CFAP44: variants seen among roughly 807,000 people sequenced by gnomAD.
CFAP44 encodes the protein cilia and flagella associated protein 44, also known as cilia- and flagella-associated protein 44.
In CFAP44, 134 loss-of-function variants were observed where a neutral mutation model predicts 216.2. The ratio of observed to expected loss-of-function variants is 0.62; its 90% CI spans 0.54 to 0.72. The LOEUF (loss-of-function observed/expected upper bound fraction) is 0.72. CFAP44 is among the 30% of genes least tolerant of loss of function. The probability of loss-of-function intolerance (pLI) is 0.00; values close to 1 mark genes in which losing one functional copy is unlikely to be tolerated. For missense variants in CFAP44, 2,035 were observed against 2,182.1 expected (o/e 0.93, Z 1.34); for synonymous variants, 700 against 727.6 (o/e 0.96, Z 0.61).
At chr3:113,403,497 C>T (rs1427438423) in intron 9 of CFAP44, among the ~76,000 whole-genome samples, 1 of 152,206 alleles carries the variant, frequency 6.6e-6, no homozygotes, top group Non-Finnish European at 1.5e-5. Flanking sequence ...AACAAATGTT[C>T]AGCACCTTTG....
At chr3:113,406,451 C>T (rs1438105254) in intron 8 of CFAP44, among the ~76,000 whole-genome samples, 1 of 151,956 alleles carries the variant, frequency 6.6e-6, no homozygotes, top group African/African-American at 2.4e-5. Context: ...GGTGAAACCC[C>T]GTCTCTACTA....
intron 15 of CFAP44, among the ~76,000 whole-genome samples, chr3:113,391,477 C>T (rs760580468): frequency 6.6e-6 from 1 of 152,070 alleles, no homozygotes; most frequent in South Asian, 2.1e-4. Flanking sequence ...GCAACCAAAG[C>T]GAAAATGGAC....
At chr3:113,394,142 A>T (rs1218393247) in intron 15 of CFAP44, among the ~76,000 whole-genome samples, 1 of 152,226 alleles carries the variant, frequency 6.6e-6, no homozygotes, top group African/African-American at 2.4e-5. Flanking sequence ...ATGTTATGCA[A>T]CTATACACAA....
intron 22 of CFAP44, among the ~76,000 whole-genome samples, chr3:113,355,476 C>T (rs536455712): frequency 1.2e-4 from 18 of 152,238 alleles, no homozygotes; most frequent in East Asian, 9.7e-4. Flanking sequence ...GCCGTGATCA[C>T]GCCACTACAC....
intron 11 of CFAP44, 88 bp downstream of exon 11, chr3:113,401,152 T>C: frequency 4.0e-6 from 5 of 1,244,172 alleles, no homozygotes; most frequent in East Asian, 2.6e-5. Context: ...TGATGAAATA[T>C]GGAGAAAGAT....
intron 31 of CFAP44, among the ~76,000 whole-genome samples, chr3:113,304,529 T>C (rs1182211975): frequency 6.6e-6 from 1 of 152,240 alleles, no homozygotes; most frequent in Non-Finnish European, 1.5e-5. Flanking sequence ...GAGAATACAA[T>C]AAGCCTTTTC....
In CFAP44 at chr3:113,304,761, T is replaced by C. The variant is rs537712574; in HGVS notation, c.4875+275A>G. ...AGCCAAGATTTCACCCTCTGAGCCA[T>C]TGCATTCTTAAATCATAGGCTCCTC... is the stretch of plus-strand genomic sequence containing the variant. On this transcript the variant is annotated intron_variant, in intron 31 of 34. Transcript: ENST00000393845. 3.0e-4 allele frequency among the ~76,000 whole-genome samples: 46 copies of C among 152,310 alleles called. No individual in the cohort carries two copies. The South Asian group carries it at 7.3e-3, about 24-fold the overall frequency.
chr3:113,335,068 A>G (rs1476452043), intron 24 of CFAP44, among the ~76,000 whole-genome samples: 1 of 152,190 alleles, frequency 6.6e-6, no homozygotes. Context: ...AAAGAAAGAA[A>G]AAGGAAGGAA....
intron 25 of CFAP44, among the ~76,000 whole-genome samples, chr3:113,331,353 C>T (rs1206351033): frequency 6.6e-6 from 1 of 152,020 alleles, no homozygotes; most frequent in Admixed American, 6.6e-5. Context: ...AAATGCCATT[C>T]TGAGAGCCTG....
chr3:113,320,488 T>C (rs1025646392), intron 28 of CFAP44, among the ~76,000 whole-genome samples: 2 of 99,498 alleles, frequency 2.0e-5, no homozygotes, highest in Non-Finnish European at 4.4e-5. Context: ...ATATGATATA[T>C]AGATGTAATA....
intron 1 of CFAP44, among the ~76,000 whole-genome samples, chr3:113,435,823 A>G (rs979632969): frequency 3.5e-4 from 53 of 151,720 alleles, no homozygotes; most frequent in Middle Eastern, 3.2e-3. Flanking sequence ...TCTGGGTTAC[A>G]AAAATAATGT....
rs140014871 is a variant in CFAP44 at position 113,313,118 on chromosome 3, G to A, written c.4517-4850C>T. On this transcript the variant is annotated intron_variant, in intron 28 of 34. Coordinates refer to ENST00000393845, the MANE Select transcript of CFAP44 (RefSeq NM_001164496.2). ...AGCCGCAGACGCTCAATGCCAGCCCGTGAAAGCAGCTGGGAGGGAGGCTGT... is the reference window on the plus strand; with the variant it reads ...AGCCGCAGACGCTCAATGCCAGCCCATGAAAGCAGCTGGGAGGGAGGCTGT... Among the ~76,000 whole-genome samples, 631 of 152,234 alleles carry A rather than the reference G, an allele frequency of 4.1e-3. 31 individuals carry two copies. The East Asian group carries it at 0.1, about 25-fold the overall frequency.
In CFAP44 at chr3:113,344,707, C is replaced by A. The variant is rs539317195; in HGVS notation, c.3071G>T (p.Arg1024Leu). 2.0e-6 allele frequency: 3 copies of A among 1,486,346 alleles called. No individual in the cohort carries two copies. The highest frequency in any genetic ancestry group is 2.7e-6 in the Non-Finnish European group (3 of 1,127,058). 92.1% of individuals were successfully genotyped at this position (1,486,346 alleles called of 1,614,324 possible). Reference sequence around the variant, plus strand: ...AATAGTATCACTTTCCAGTGGATCTCGAAATCTGAAAAAATAAAACAAGTA... The same window carrying A: ...AATAGTATCACTTTCCAGTGGATCTAGAAATCTGAAAAAATAAAACAAGTA... ...LGLMKLKNRFRDPLESDTIVV... is the reference protein window; with the variant it reads ...LGLMKLKNRFLDPLESDTIVV... Residue 1024 changes from arginine (R) to leucine (L), a missense_variant, in exon 23 of 35, where the codon CGA becomes CTA. Arg to Leu is a moderately radical substitution (Grantham distance 102, BLOSUM62 -2). Transcript: ENST00000393845.
intron 7 of CFAP44, among the ~76,000 whole-genome samples, 192 bp from the exon 8 acceptor site, chr3:113,407,233 T>C (rs1934312459): frequency 6.6e-6 from 1 of 152,226 alleles, no homozygotes; most frequent in Admixed American, 6.5e-5. Context: ...TCTGCAATGA[T>C]CAAAACAGGC....
At chr3:113,372,674 C>T (rs1224142792) in intron 18 of CFAP44, among the ~76,000 whole-genome samples, 1 of 152,072 alleles carries the variant, frequency 6.6e-6, no homozygotes, top group East Asian at 1.9e-4. Context: ...CATATGTATA[C>T]CTACGTAACA....
chr3:113,366,177 T>A lies in CFAP44; in HGVS notation c.2577A>T (p.Gly859=), dbSNP rs1932932445. The change falls in exon 19 of 35, where the codon GGA becomes GGT. Residue 859 remains glycine, a synonymous_variant. Coordinates refer to ENST00000393845, the MANE Select transcript of CFAP44 (RefSeq NM_001164496.2). ...WHFNMHDNNY[G]CIKSIANSFD... ...AGCTATTAGCAATACTTTTAATACATCCATAATTATTGTCATGCATATTGA... is the reference window on the plus strand; with the variant it reads ...AGCTATTAGCAATACTTTTAATACAACCATAATTATTGTCATGCATATTGA... The A allele has an allele frequency of 6.2e-7, 1 of 1,613,970 alleles. No homozygotes were observed. The highest frequency in any genetic ancestry group is 8.5e-7 in the Non-Finnish European group (1 of 1,180,006).
At chr3:113,384,158 A>G (rs1435569499) in intron 15 of CFAP44, among the ~76,000 whole-genome samples, 1 of 151,506 alleles carries the variant, frequency 6.6e-6, no homozygotes, top group African/African-American at 2.4e-5. Context: ...TCATGGGTTT[A>G]CACCATTCTC....
chr3:113,420,228 G>A (rs998294454), intron 4 of CFAP44, 49 bp from the exon 5 acceptor site: 5 of 1,518,030 alleles, frequency 3.3e-6, no homozygotes, highest in Non-Finnish European at 3.5e-6. Flanking sequence ...TACCATCCTA[G>A]GGATTGGAAA....
chr3:113,297,637 C>T (rs1949895073), intron 32 of CFAP44, among the ~76,000 whole-genome samples: 1 of 152,156 alleles, frequency 6.6e-6, no homozygotes, highest in Non-Finnish European at 1.5e-5. Context: ...CTCTTTTTCT[C>T]AATCCATTTT....
Sources: allele counts gnomAD v4.1 joint callset (sites outside exome capture counted in the v4.1 genomes callset), GRCh38; gene constraint gnomAD v4.1.1; transcripts MANE v1.5; gene names NCBI Gene and HGNC (gene_info 2026-07-23, HGNC 2026-07-21).